SUMF1: variants seen among roughly 807,000 people sequenced by gnomAD.
SUMF1 encodes the protein formylglycine-generating enzyme.
Under a neutral mutation model 47.6 loss-of-function variants are expected in SUMF1, and 48 were observed. That is an observed-to-expected ratio of 1.01 (90% CI 0.80 to 1.28). The LOEUF (loss-of-function observed/expected upper bound fraction) is 1.28, where lower values mean the gene tolerates loss of function less well. Among genes scored for constraint, SUMF1 ranks in the 50% most tolerant of loss-of-function variants. The pLI, the probability that SUMF1 is intolerant of heterozygous loss-of-function variation, is 0.00. For synonymous variants in SUMF1, 230 were observed against 192.1 expected, an observed-to-expected ratio of 1.20 and a Z score of -1.63; for missense variants, 571 against 485.4, an observed-to-expected ratio of 1.18 and a Z score of -1.66.
At chr3:4,371,301 A>T (rs1029772482) in intron 8 of SUMF1, among the ~76,000 whole-genome samples, 2 of 152,200 alleles carry the variant, frequency 1.3e-5, no homozygotes, top group Admixed American at 6.5e-5. Flanking sequence ...CTATTTCATT[A>T]AGATGGCTAA....
chr3:4,251,890 T>C (rs1238186013), intron 8 of SUMF1, among the ~76,000 whole-genome samples: 2 of 152,172 alleles, frequency 1.3e-5, no homozygotes, highest in South Asian at 2.1e-4. Flanking sequence ...TAGTAAGCTA[T>C]CTACATTTTT....
intron 7 of SUMF1, among the ~76,000 whole-genome samples, chr3:4,396,535 T>C (rs1701044229): frequency 6.6e-6 from 1 of 152,054 alleles, no homozygotes; most frequent in African/African-American, 2.4e-5. Flanking sequence ...CTGGCCTGAG[T>C]TCCCTCACTT....
At chr3:4,098,652 C>T (rs1435005183) in intron 8 of SUMF1, among the ~76,000 whole-genome samples, 1 of 152,040 alleles carries the variant, frequency 6.6e-6, no homozygotes, top group East Asian at 1.9e-4. Flanking sequence ...AATATTTTCC[C>T]CCTAGAAACT....
intron 8 of SUMF1, among the ~76,000 whole-genome samples, chr3:4,078,057 C>T (rs1307279912): frequency 6.6e-6 from 1 of 152,034 alleles, no homozygotes; most frequent in Non-Finnish European, 1.5e-5. Context: ...GTAGCCAGCC[C>T]TGTTGGCAAG....
chr3:4,456,672 ACGTG>A (rs2079617720), intron 1 of SUMF1, among the ~76,000 whole-genome samples: 1 of 143,808 alleles, frequency 7.0e-6, no homozygotes, highest in Non-Finnish European at 1.5e-5. Flanking sequence ...ATATATATAT[ACGTG>A]TATATATATA....
intron 8 of SUMF1, among the ~76,000 whole-genome samples, chr3:4,324,662 T>C (rs1454160774): frequency 6.6e-6 from 1 of 152,130 alleles, no homozygotes; most frequent in African/African-American, 2.4e-5. Context: ...TTACATCAGA[T>C]GAAGTAAACA....
At chr3:4,442,356 C>G (rs62231413) in intron 3 of SUMF1, among the ~76,000 whole-genome samples, 1 of 138,690 alleles carries the variant, frequency 7.2e-6, no homozygotes, top group African/African-American at 2.5e-5. Context: ...CCCGGGTTCA[C>G]GCCATTCTCC....
intron 8 of SUMF1, among the ~76,000 whole-genome samples, chr3:4,368,854 C>G (rs1054922314): frequency 6.6e-6 from 1 of 152,014 alleles, no homozygotes; most frequent in Admixed American, 6.6e-5. Context: ...GTTCTCCGAT[C>G]CAAAAAAACG....
At chr3:4,294,771 A>AAACATGAC (rs2125058186) in intron 8 of SUMF1, among the ~76,000 whole-genome samples, 1 of 152,302 alleles carries the variant, frequency 6.6e-6, no homozygotes, top group East Asian at 1.9e-4. Flanking sequence ...TTCTAAAAAA[A>AAACATGAC]AACATGACAT....
At chr3:4,252,129 T>C (rs1220602629) in intron 8 of SUMF1, among the ~76,000 whole-genome samples, 4 of 152,168 alleles carry the variant, frequency 2.6e-5, no homozygotes, top group African/African-American at 7.2e-5. Flanking sequence ...AATAAAGAAA[T>C]GAGTAACACT....
chr3:4,110,771 C>G (rs1322658790), intron 8 of SUMF1, among the ~76,000 whole-genome samples: 1 of 143,734 alleles, frequency 7.0e-6, no homozygotes, highest in African/African-American at 2.6e-5. Flanking sequence ...CATGTTCTCA[C>G]TCATAGGTGG....
chr3:4,280,615 C>T (rs182547080), intron 8 of SUMF1, among the ~76,000 whole-genome samples: 38 of 152,256 alleles, frequency 2.5e-4, no homozygotes, highest in Non-Finnish European at 4.7e-4. Context: ...CCTAACAACA[C>T]GCCACAAACT....
chr3:4,370,746 T>C (rs1202175453), intron 8 of SUMF1, among the ~76,000 whole-genome samples: 4 of 152,242 alleles, frequency 2.6e-5, no homozygotes, highest in African/African-American at 9.6e-5. Context: ...ATACTATCAA[T>C]TGTTTTCTTT....
chr3:4,341,768 G>C (rs895206026), intron 8 of SUMF1, among the ~76,000 whole-genome samples: 5 of 152,116 alleles, frequency 3.3e-5, no homozygotes, highest in African/African-American at 1.2e-4. Flanking sequence ...CCTATAAGTG[G>C]CTTGTGGCTT....
intron 8 of SUMF1, among the ~76,000 whole-genome samples, chr3:4,148,556 A>G (rs900056068): frequency 6.6e-6 from 1 of 152,156 alleles, no homozygotes; most frequent in African/African-American, 2.4e-5. Context: ...GAAATGAGCA[A>G]AGTTTCCTGT....
intron 3 of SUMF1, among the ~76,000 whole-genome samples, chr3:4,421,641 A>C (rs1701901384): frequency 6.6e-6 from 1 of 152,080 alleles, no homozygotes; most frequent in African/African-American, 2.4e-5. Flanking sequence ...CACAATGCCC[A>C]GCTAAATTTT....
At chr3:4,316,647 G>A (rs759261626) in intron 8 of SUMF1, 6 of 1,551,020 alleles carry the variant, frequency 3.9e-6, no homozygotes, top group Non-Finnish European at 5.2e-6. Flanking sequence ...CAACCACAAC[G>A]AACCATTTCT....
At chr3:4,131,974 G>C (rs1397769406) in intron 8 of SUMF1, among the ~76,000 whole-genome samples, 1 of 152,122 alleles carries the variant, frequency 6.6e-6, no homozygotes, top group Non-Finnish European at 1.5e-5. Context: ...GCTACAGCCA[G>C]TGCTGAGTGC....
intron 6 of SUMF1, among the ~76,000 whole-genome samples, chr3:4,411,722 A>T (rs964189389): frequency 6.6e-6 from 1 of 151,794 alleles, no homozygotes; most frequent in Non-Finnish European, 1.5e-5. Flanking sequence ...AAAAAAAAAA[A>T]ACTTTAACTG....
Sources: allele counts gnomAD v4.1 joint callset (sites outside exome capture counted in the v4.1 genomes callset), GRCh38; gene constraint gnomAD v4.1.1; transcripts MANE v1.5; gene names NCBI Gene and HGNC (gene_info 2026-07-23, HGNC 2026-07-21).